The following TRPM3 variants were observed in gnomAD, a reference collection of about 807,000 sequenced individuals.
The protein encoded by TRPM3 is transient receptor potential cation channel subfamily M member 3.
TRPM3 carries 77 observed loss-of-function variants against 181.2 expected under a neutral mutation model. The observed-to-expected ratio is 0.42, with a 90% CI of 0.35 to 0.51. The LOEUF (loss-of-function observed/expected upper bound fraction) is 0.51, where lower values mean the gene tolerates loss of function less well. Ranked by LOEUF, TRPM3 falls within the 20% of genes least tolerant of loss-of-function variation. The pLI is 0.01. For missense variants in TRPM3, 1,759 were observed against 2,196.7 expected (o/e 0.80, Z 3.98); for synonymous variants, 745 against 796.4 (o/e 0.94, Z 1.09).
At chr9:71,032,021 A>ATATATTATATATATATAAT (rs2057446402) in intron 1 of TRPM3, among the ~76,000 whole-genome samples, 1 of 51,800 alleles carries the variant, frequency 1.9e-5, no homozygotes, top group African/African-American at 5.8e-5. Flanking sequence ...TATAATATAT[A>ATATATTATATATATATAAT]TATATAATAT....
intron 1 of TRPM3, among the ~76,000 whole-genome samples, chr9:70,869,465 T>C: frequency 6.6e-6 from 1 of 151,588 alleles, no homozygotes; most frequent in Admixed American, 6.6e-5. Context: ...AGTGTATGAA[T>C]GATCCTAGTG....
chr9:70,851,088 C>T (rs921983426), intron 3 of TRPM3, among the ~76,000 whole-genome samples: 17 of 151,874 alleles, frequency 1.1e-4, no homozygotes, highest in Admixed American at 2.0e-4. Flanking sequence ...TAGATCTGCA[C>T]CTATACATTT....
intron 1 of TRPM3, among the ~76,000 whole-genome samples, chr9:71,031,999 AAT>A (rs1369071942): frequency 0.048 from 82 of 1,708 alleles, 3 homozygotes; most frequent in African/African-American, 0.29. Context: ...ATATATATAT[AAT>A]TATATAATAT....
intron 9 of TRPM3, among the ~76,000 whole-genome samples, chr9:70,647,903 C>T (rs2059112832): frequency 6.6e-6 from 1 of 152,046 alleles, no homozygotes; most frequent in South Asian, 2.1e-4. Flanking sequence ...CAATAATGTC[C>T]AAGCTGAGAG....
chr9:70,681,651 T>A, intron 8 of TRPM3, 73 bp from the exon 9 acceptor site: 2 of 1,237,570 alleles, frequency 1.6e-6, no homozygotes, highest in East Asian at 2.3e-5. Context: ...TGAGACCACA[T>A]CTGAGCAGAG....
intron 7 of TRPM3, among the ~76,000 whole-genome samples, chr9:70,769,314 A>C (rs531656831): frequency 6.6e-6 from 1 of 152,082 alleles, no homozygotes; most frequent in South Asian, 2.1e-4. Context: ...TCAGCTTGCT[A>C]TATCTGCTAC....
At chr9:71,408,933 G>C (rs1164761257) in intron 1 of TRPM3, among the ~76,000 whole-genome samples, 1 of 152,168 alleles carries the variant, frequency 6.6e-6, no homozygotes, top group South Asian at 2.1e-4. Flanking sequence ...AGCCAAAAAA[G>C]AGTGGGGGCC....
At chr9:70,858,486 A>ATT (rs1428916263) in intron 3 of TRPM3, among the ~76,000 whole-genome samples, 128 of 152,324 alleles carry the variant, frequency 8.4e-4, no homozygotes, top group African/African-American at 2.7e-3. Flanking sequence ...CCCTTTGCCC[A>ATT]GACAGAAGAA....
At chr9:70,759,839 G>T (rs1196607187) in intron 8 of TRPM3, among the ~76,000 whole-genome samples, 2 of 152,038 alleles carry the variant, frequency 1.3e-5, no homozygotes, top group Non-Finnish European at 2.9e-5. Flanking sequence ...CTCAGGGGGT[G>T]GGGGGCTAGG....
intron 1 of TRPM3, among the ~76,000 whole-genome samples, chr9:71,376,804 C>T (rs778207738): frequency 2.0e-4 from 31 of 151,966 alleles, no homozygotes; most frequent in African/African-American, 6.5e-4. Flanking sequence ...TTCACAAATG[C>T]ACAGTGAAGC....
chr9:70,998,934 G>A (rs1316302038), intron 1 of TRPM3, among the ~76,000 whole-genome samples: 2 of 152,100 alleles, frequency 1.3e-5, no homozygotes, highest in Non-Finnish European at 2.9e-5. Context: ...AATTTGTGCT[G>A]CATCCCTCCT....
chr9:71,019,997 T>A (rs74506911), intron 1 of TRPM3, among the ~76,000 whole-genome samples: 1 of 152,114 alleles, frequency 6.6e-6, no homozygotes, highest in Non-Finnish European at 1.5e-5. Flanking sequence ...GGGAAAAATA[T>A]ATTTTGACTA....
intron 1 of TRPM3, among the ~76,000 whole-genome samples, chr9:71,262,436 T>G (rs954172668): frequency 2.0e-5 from 3 of 152,122 alleles, no homozygotes; most frequent in Admixed American, 6.5e-5. Context: ...AGCCAATGGA[T>G]CTTAGCTTGC....
intron 1 of TRPM3, among the ~76,000 whole-genome samples, chr9:71,047,553 G>T (rs567441998): frequency 1.3e-5 from 2 of 152,134 alleles, no homozygotes; most frequent in Non-Finnish European, 2.9e-5. Context: ...TTTGAAATAT[G>T]GCTGAAGCAA....
intron 1 of TRPM3, among the ~76,000 whole-genome samples, chr9:70,954,660 A>C (rs1010930984): frequency 6.6e-6 from 1 of 152,094 alleles, no homozygotes; most frequent in Admixed American, 6.6e-5. Context: ...CTTAAAAAAA[A>C]CTCTGATTTA....
intron 1 of TRPM3, among the ~76,000 whole-genome samples, chr9:71,283,636 G>T (rs1328353597): frequency 6.6e-6 from 1 of 152,244 alleles, no homozygotes; most frequent in East Asian, 1.9e-4. Flanking sequence ...GTATCCCATT[G>T]TATTTATATA....
At chr9:71,342,141 A>ACACTTTTAAATAT (rs889022234) in intron 1 of TRPM3, among the ~76,000 whole-genome samples, 1 of 150,624 alleles carries the variant, frequency 6.6e-6, no homozygotes, top group African/African-American at 2.4e-5. Flanking sequence ...GGGGAAACAG[A>ACACTTTTAAATAT]CACTTTTAAA....
intron 1 of TRPM3, among the ~76,000 whole-genome samples, chr9:71,012,003 G>C (rs908528264): frequency 1.3e-5 from 2 of 151,930 alleles, no homozygotes; most frequent in African/African-American, 4.8e-5. Context: ...GGTTGGTCTC[G>C]AATTCCTGGG....
At chr9:71,207,068 T>C (rs1038757146) in intron 1 of TRPM3, among the ~76,000 whole-genome samples, 26 of 152,052 alleles carry the variant, frequency 1.7e-4, no homozygotes, top group Non-Finnish European at 2.5e-4. Context: ...TGTTGATTTT[T>C]AAAATCCAGC....
Sources: allele counts gnomAD v4.1 joint callset (sites outside exome capture counted in the v4.1 genomes callset), GRCh38; gene constraint gnomAD v4.1.1; transcripts MANE v1.5; gene names NCBI Gene and HGNC (gene_info 2026-07-23, HGNC 2026-07-21).